Variants in NGFR observed in about 807,000 individuals in gnomAD.
NGFR encodes the protein nerve growth factor receptor, also known as tumor necrosis factor receptor superfamily member 16.
In NGFR, 30 loss-of-function variants were observed where a neutral mutation model predicts 43.2. The ratio of observed to expected loss-of-function variants is 0.69; its 90% CI spans 0.52 to 0.94. The LOEUF (loss-of-function observed/expected upper bound fraction) is 0.94. Among genes scored for constraint, NGFR ranks in the 40% least tolerant of loss-of-function variants. The pLI is 0.00. For synonymous variants in NGFR, 246 were observed against 259.6 expected (o/e 0.95, Z 0.50); for missense variants, 529 against 602.5 (o/e 0.88, Z 1.28).
chr17:49,506,492 C>T lies in NGFR; in HGVS notation c.402C>T (p.Leu134=). ...ACRVCEAGSG[L]VFSCQDKQNT... ...GCGTGTGCGAGGCGGGCTCGGGCCT[C>T]GTGTTCTCCTGCCAGGACAAGCAGA... The change falls in exon 3 of 6, where the codon CTC becomes CTT. Residue 134 remains leucine, a synonymous_variant. Transcript: ENST00000172229. The T allele has an allele frequency of 6.2e-7, 1 of 1,610,898 alleles. No homozygotes were observed.
At chr17:49,504,605 C>T (rs1306522679) in intron 2 of NGFR, among the ~76,000 whole-genome samples, 1 of 152,148 alleles carries the variant, frequency 6.6e-6, no homozygotes, top group East Asian at 1.9e-4. Flanking sequence ...CAAAGTCACA[C>T]AGCTTATAAG....
At chr17:49,499,737 G>A (rs1463922560) in intron 1 of NGFR, among the ~76,000 whole-genome samples, 4 of 152,168 alleles carry the variant, frequency 2.6e-5, no homozygotes, top group East Asian at 3.9e-4. Context: ...ACAGGCGCCC[G>A]CCACCACGCC....
chr17:49,496,406 G>C (rs144480561), intron 1 of NGFR: 169 of 152,346 alleles, frequency 1.1e-3, no homozygotes, highest in Middle Eastern at 6.8e-3. Context: ...TCCGACGCGC[G>C]TGTTCTCACG....
chr17:49,512,740 C>T lies in NGFR; in HGVS notation c.1015C>T (p.Leu339=). 1 of 1,611,438 alleles carries T rather than the reference C, an allele frequency of 6.2e-7. No homozygotes were observed. Among genetic ancestry groups the T allele is most frequent in the Non-Finnish European group, 8.5e-7 (1 of 1,179,016 alleles). ...LKGDGGLYSS[L]PPAKREEVEK... ...GGGTGACGGAGGCCTCTACAGCAGC[C>T]TGCCCCCAGCCAAGCGGGAGGAGGT... Residue 339 remains leucine, a synonymous_variant, in exon 6 of 6, where the codon CTG becomes TTG. Coordinates refer to ENST00000172229, the MANE Select transcript of NGFR (RefSeq NM_002507.4). The surrounding 1 kb of genome is among the most constrained non-coding windows in gnomAD (Gnocchi z 5.2).
chr17:49,510,903 TCCCA>T, intron 4 of NGFR: 1 of 537,066 alleles, frequency 1.9e-6, no homozygotes, highest in Non-Finnish European at 3.4e-6. Flanking sequence ...CCCCTCCCAC[TCCCA>T]TGCCGCACCA....
At chr17:49,504,409 A>G (rs1418296140) in intron 2 of NGFR, among the ~76,000 whole-genome samples, 1 of 151,618 alleles carries the variant, frequency 6.6e-6, no homozygotes, top group Non-Finnish European at 1.5e-5. Flanking sequence ...CCATATTCCT[A>G]CCTCCAAAGT....
intron 1 of NGFR, among the ~76,000 whole-genome samples, chr17:49,498,262 C>G (rs1297897621): frequency 6.6e-6 from 1 of 152,144 alleles, no homozygotes; most frequent in Non-Finnish European, 1.5e-5. Flanking sequence ...GTGCCCTATG[C>G]CTTTGGCCCC....
At chr17:49,498,859 C>T (rs1460989701) in intron 1 of NGFR, among the ~76,000 whole-genome samples, 1 of 152,124 alleles carries the variant, frequency 6.6e-6, no homozygotes, top group Non-Finnish European at 1.5e-5. Context: ...GTTAGTCACC[C>T]CTCCCTACTT....
intron 1 of NGFR, 64 bp from the exon 2 acceptor site, chr17:49,501,999 A>ATGGGGGCCCCCCCCCCCC: frequency 3.0e-6 from 1 of 330,982 alleles, no homozygotes; most frequent in Non-Finnish European, 5.9e-6. Flanking sequence ...TCCCCGGAAG[A>ATGGGGGCCCCCCCCCCCC]ACCCCCCCCA....
intron 4 of NGFR, chr17:49,510,950 C>A: frequency 1.8e-5 from 8 of 450,318 alleles, no homozygotes; most frequent in Admixed American, 7.1e-5. Flanking sequence ...CTGCTTGTGT[C>A]CTCATCCCCA....
intron 3 of NGFR, among the ~76,000 whole-genome samples, chr17:49,509,101 C>T (rs1048684244): frequency 3.3e-5 from 5 of 152,190 alleles, no homozygotes; most frequent in African/African-American, 7.2e-5. Flanking sequence ...AGGACGGAGA[C>T]GGGGAAGGGT....
intron 3 of NGFR, among the ~76,000 whole-genome samples, chr17:49,509,395 G>A (rs529891630): frequency 4.6e-5 from 7 of 152,260 alleles, no homozygotes; most frequent in African/African-American, 9.6e-5. Flanking sequence ...GAGGAGGGAC[G>A]GGGTAGGCAA....
intron 4 of NGFR, chr17:49,510,870 C>T: frequency 1.6e-6 from 1 of 611,234 alleles, no homozygotes; most frequent in South Asian, 2.0e-5. Context: ...GTCCTGTCCT[C>T]TCCTGCCCTG....
chr17:49,495,392 T>A lies in NGFR; in HGVS notation c.-26T>A, dbSNP rs899796133. On this transcript the variant is annotated 5_prime_UTR_variant, in exon 1 of 6. Transcript: ENST00000172229. This position sits in a 1 kb window ranked among gnomAD's most constrained non-coding sequence, Gnocchi z 6.4. ...TCCGCAAAGCGGACCGAGCTGGAAG[T>A]CGAGCGCTGCCGCGGGAGGCGGGCG... 1.2e-5 allele frequency: 15 copies of A among 1,232,234 alleles called. No homozygotes were observed. Among genetic ancestry groups the A allele is most frequent in the Non-Finnish European group, 4.1e-6 (4 of 986,996 alleles). 76.3% of individuals were successfully genotyped at this position (1,232,234 alleles called of 1,614,324 possible).
intron 1 of NGFR, 64 bp from the exon 2 acceptor site, chr17:49,501,999 A>AGGGGGG: frequency 3.0e-5 from 10 of 330,980 alleles, no homozygotes; most frequent in Non-Finnish European, 5.9e-5. Context: ...TCCCCGGAAG[A>AGGGGGG]ACCCCCCCCA....
Position 49,512,162 on chromosome 17 carries a change from G to A in NGFR, c.982+110G>A. On this transcript the variant is annotated intron_variant, in intron 5 of 5. Transcript: ENST00000172229. This position sits in a 1 kb window ranked among gnomAD's most constrained non-coding sequence, Gnocchi z 5.2. Reference sequence around the variant, plus strand: ...TCGGGGGGGCGGCAGGGCTGGCTCAGCGGTGCCCCTGTAGATGGATGGAGA... The same window carrying A: ...TCGGGGGGGCGGCAGGGCTGGCTCAACGGTGCCCCTGTAGATGGATGGAGA... The A allele has an allele frequency of 7.4e-7, 1 of 1,357,506 alleles. No homozygotes were observed. Among genetic ancestry groups the A allele is most frequent in the Non-Finnish European group, 9.9e-7 (1 of 1,007,912 alleles). The allele number at this position is 1,357,506 out of a possible 1,614,324, so 84.1% of individuals were successfully genotyped here. A position where few individuals can be genotyped will look rare whatever the true frequency, so the allele number is the denominator to read the frequency against.
At chr17:49,505,027 C>T (rs1420235336) in intron 2 of NGFR, among the ~76,000 whole-genome samples, 2 of 152,092 alleles carry the variant, frequency 1.3e-5, no homozygotes, top group Non-Finnish European at 2.9e-5. Context: ...TCGCCTTGGC[C>T]TCCCAAAGTG....
chr17:49,512,965 G>C lies in NGFR; in HGVS notation c.1240G>C (p.Val414Leu), dbSNP rs749999443. ...ALRRIQRADL[V>L]ESLCSESTAT... ...GCGCCGCATCCAGCGAGCCGACCTCGTGGAGAGTCTGTGCAGTGAGTCCAC... is the reference window on the plus strand; with the variant it reads ...GCGCCGCATCCAGCGAGCCGACCTCCTGGAGAGTCTGTGCAGTGAGTCCAC... The change falls in exon 6 of 6, where the codon GTG becomes CTG. Residue 414 changes from valine (V) to leucine (L), a missense_variant. Transcript: ENST00000172229. The surrounding 1 kb of genome is among the most constrained non-coding windows in gnomAD (Gnocchi z 5.2). The C allele has an allele frequency of 1.2e-6, 2 of 1,606,422 alleles. No individual in the cohort carries two copies. Among genetic ancestry groups the C allele is most frequent in the Middle Eastern group, 1.7e-4 (1 of 5,912 alleles).
At chr17:49,501,227 A>C (rs1217967047) in intron 1 of NGFR, among the ~76,000 whole-genome samples, 2 of 152,172 alleles carry the variant, frequency 1.3e-5, no homozygotes, top group Non-Finnish European at 2.9e-5. Flanking sequence ...CCCAGTGGCC[A>C]CATGGGGGAG....
Sources: gnomAD v4.1 joint callset for allele counts (sites outside exome capture counted in the v4.1 genomes callset) on GRCh38, gnomAD v4.1.1 for gene constraint, Gnocchi (gnomAD v3.1) non-coding constraint, MANE v1.5 for transcripts, NCBI Gene and HGNC (gene_info 2026-07-23, HGNC 2026-07-21) for gene names.